The following DHX57 variants were observed in gnomAD, a reference collection of about 807,000 sequenced individuals.
DHX57 encodes the protein putative ATP-dependent RNA helicase DHX57.
Under a neutral mutation model 156.2 loss-of-function variants are expected in DHX57, and 105 were observed. The observed-to-expected ratio is 0.67, with a 90% CI of 0.57 to 0.79. DHX57 has a LOEUF of 0.79. Among genes scored for constraint, DHX57 ranks in the 30% least tolerant of loss-of-function variants. DHX57 has a pLI of 0.00. For synonymous variants in DHX57, 704 were observed against 595.6 expected (o/e 1.18, Z -2.65); for missense variants, 1,847 against 1,661.9 (o/e 1.11, Z -1.94).
chr2:38,800,664 A>G (rs761082793), intron 23 of DHX57, among the ~76,000 whole-genome samples: 2 of 152,326 alleles, frequency 1.3e-5, no homozygotes, highest in Middle Eastern at 3.4e-3. Flanking sequence ...TGTAGGCAAG[A>G]AAGTTTCTGG....
intron 19 of DHX57, 95 bp downstream of exon 19, chr2:38,818,782 C>T: frequency 7.5e-7 from 1 of 1,328,032 alleles, no homozygotes; most frequent in South Asian, 1.2e-5. Context: ...ATAACATTTG[C>T]AATGTTAAGA....
chr2:38,834,493 AT>A (rs1228460399), intron 13 of DHX57, among the ~76,000 whole-genome samples: 8 of 152,178 alleles, frequency 5.3e-5, no homozygotes, highest in Admixed American at 3.3e-4. Flanking sequence ...ACTTAAAAAA[AT>A]GTATTGTGAC....
intron 21 of DHX57, chr2:38,811,261 C>G (rs960649762): frequency 1.9e-6 from 1 of 517,482 alleles, no homozygotes; most frequent in African/African-American, 1.9e-5. Flanking sequence ...TGACCTTAAT[C>G]TGGGGGGCCA....
At chr2:38,872,667 C>G (rs1299486864) in intron 1 of DHX57, among the ~76,000 whole-genome samples, 1 of 152,052 alleles carries the variant, frequency 6.6e-6, no homozygotes, top group African/African-American at 2.4e-5. Context: ...GGTTAATCTG[C>G]CAGGAAATGA....
intron 11 of DHX57, among the ~76,000 whole-genome samples, chr2:38,843,930 A>G (rs1195844631): frequency 1.3e-5 from 2 of 152,134 alleles, no homozygotes; most frequent in African/African-American, 2.4e-5. Context: ...AGGGAATGGG[A>G]GCAAAGTAAG....
At chr2:38,825,720 A>C in intron 16 of DHX57, 127 bp downstream of exon 16, 1 of 933,488 alleles carries the variant, frequency 1.1e-6, no homozygotes, top group Non-Finnish European at 1.6e-6. Context: ...TTCTTCACAA[A>C]TAAATGAGAT....
At chr2:38,813,972 C>A in intron 20 of DHX57, 77 bp from the exon 21 acceptor site, 1 of 1,521,244 alleles carries the variant, frequency 6.6e-7, no homozygotes. Context: ...GAGTCTTGCT[C>A]TGTCACCCAG....
In DHX57 at chr2:38,826,697, G is replaced by C. The variant is rs1478533057; in HGVS notation, c.2640-8C>G. The C allele has an allele frequency of 6.2e-7, 1 of 1,612,866 alleles. No homozygotes were observed. Among genetic ancestry groups the C allele is most frequent in the East Asian group, 2.2e-5 (1 of 44,840 alleles). ...AGTGGGTGAATAACACATCTGGAAG[G>C]AAATAAAAGCACATGAAGTATTCTA... On this transcript the variant is annotated splice_polypyrimidine_tract_variant and splice_region_variant and intron_variant, in intron 14 of 23. Coordinates refer to ENST00000457308, the MANE Select transcript of DHX57 (RefSeq NM_198963.3).
intron 19 of DHX57, chr2:38,815,917 G>C (rs1670523444): frequency 4.1e-6 from 2 of 491,708 alleles, no homozygotes; most frequent in Admixed American, 3.3e-5. Flanking sequence ...TTTAACTCTA[G>C]ATTACAATTT....
chr2:38,865,032 C>T (rs1213320318), intron 2 of DHX57, among the ~76,000 whole-genome samples: 1 of 152,158 alleles, frequency 6.6e-6, no homozygotes, highest in Non-Finnish European at 1.5e-5. Context: ...CACCTTTGTC[C>T]CTTGGCTTCC....
intron 12 of DHX57, among the ~76,000 whole-genome samples, chr2:38,840,427 C>T (rs1353892283): frequency 6.6e-6 from 1 of 151,024 alleles, no homozygotes; most frequent in East Asian, 2.0e-4. Context: ...GTTGCCCAGG[C>T]TGGAGTGCAG....
intron 11 of DHX57, among the ~76,000 whole-genome samples, chr2:38,846,616 C>CAAAA (rs11377588): frequency 8.8e-6 from 1 of 113,786 alleles, no homozygotes; most frequent in Non-Finnish European, 1.8e-5. Flanking sequence ...GACTCTATCT[C>CAAAA]AAAAAAAAAA....
At chr2:38,837,004 C>T (rs557474553) in intron 13 of DHX57, among the ~76,000 whole-genome samples, 7 of 152,100 alleles carry the variant, frequency 4.6e-5, no homozygotes, top group Admixed American at 3.9e-4. Context: ...TGTGCCACCA[C>T]GCCTGACTAA....
chr2:38,833,025 T>C (rs900787673), intron 13 of DHX57, among the ~76,000 whole-genome samples: 1 of 150,958 alleles, frequency 6.6e-6, no homozygotes, highest in African/African-American at 2.4e-5. Context: ...TTTGCTGTTG[T>C]TGCTTGGTGG....
chr2:38,853,913 G>T, intron 9 of DHX57, 141 bp downstream of exon 9: 1 of 726,664 alleles, frequency 1.4e-6, no homozygotes, highest in Non-Finnish European at 2.2e-6. Context: ...GAAAGCAGTT[G>T]CTCTTCTCTA....
intron 2 of DHX57, 99 bp downstream of exon 2, chr2:38,868,083 G>A: frequency 6.9e-7 from 1 of 1,452,206 alleles, no homozygotes; most frequent in Non-Finnish European, 9.4e-7. Flanking sequence ...AATTTGACCA[G>A]AATTACTCGA....
intron 13 of DHX57, among the ~76,000 whole-genome samples, chr2:38,830,039 T>C (rs957354068): frequency 8.5e-5 from 13 of 152,128 alleles, no homozygotes; most frequent in African/African-American, 2.9e-4. Context: ...GGGAGAAAAA[T>C]GGTACTGTTT....
chr2:38,824,370 G>T (rs1670985431), intron 16 of DHX57, among the ~76,000 whole-genome samples: 1 of 152,178 alleles, frequency 6.6e-6, no homozygotes, highest in African/African-American at 2.4e-5. Flanking sequence ...AAAATGGAGA[G>T]TTGCAGTCCA....
At chr2:38,856,197 T>A (rs1672884913) in intron 7 of DHX57, 143 bp downstream of exon 7, 1 of 1,150,170 alleles carries the variant, frequency 8.7e-7, no homozygotes, top group Non-Finnish European at 1.2e-6. Context: ...TCAGCTGGAT[T>A]TTTTTGCCTT....
Sources: allele counts gnomAD v4.1 joint callset (sites outside exome capture counted in the v4.1 genomes callset), GRCh38; gene constraint gnomAD v4.1.1; transcripts MANE v1.5; gene names NCBI Gene and HGNC (gene_info 2026-07-23, HGNC 2026-07-21).